CDH19: variants seen among roughly 807,000 people sequenced by gnomAD.
CDH19 encodes the protein cadherin-19.
Under a neutral mutation model 64.2 loss-of-function variants are expected in CDH19, and 67 were observed. The ratio of observed to expected loss-of-function variants is 1.04; its 90% CI spans 0.86 to 1.28. CDH19 has a LOEUF of 1.28. Among genes scored for constraint, CDH19 ranks in the 50% most tolerant of loss-of-function variants. CDH19 has a pLI of 0.00. For synonymous variants in CDH19, 346 were observed against 319.3 expected (o/e 1.08, Z -0.89); for missense variants, 1,030 against 929.0 (o/e 1.11, Z -1.41).
chr18:66,580,223 A>C (rs1230666262), intron 1 of CDH19, among the ~76,000 whole-genome samples: 1 of 152,204 alleles, frequency 6.6e-6, no homozygotes, highest in East Asian at 1.9e-4. Flanking sequence ...AAATTTGGAC[A>C]CTATTTTGGA....
At chr18:66,524,548 A>T (rs972927880) in intron 9 of CDH19, among the ~76,000 whole-genome samples, 1 of 129,668 alleles carries the variant, frequency 7.7e-6, no homozygotes, top group Admixed American at 7.6e-5. Flanking sequence ...GTGTGTATAT[A>T]TATATATATA....
At position 66,568,730 on chromosome 18, in the gene CDH19, T is replaced by A. The variant is rs768902644; in HGVS notation, c.196-20A>T. 2 of 1,557,738 alleles carry A rather than the reference T, an allele frequency of 1.3e-6. No homozygotes were observed. Among genetic ancestry groups the A allele is most frequent in the Non-Finnish European group, 1.7e-6 (2 of 1,155,538 alleles). ...TCTTAGCTGCAAATGGAAAGAGGGA[T>A]CATTTAGTTTCCAAACATCTGAAAT... is the stretch of plus-strand genomic sequence containing the variant. On this transcript the variant is annotated intron_variant, in intron 2 of 11. Coordinates refer to ENST00000262150, the MANE Select transcript of CDH19 (RefSeq NM_021153.4).
intron 1 of CDH19, among the ~76,000 whole-genome samples, chr18:66,595,487 A>G (rs1389645192): frequency 6.9e-6 from 1 of 144,216 alleles, no homozygotes; most frequent in Non-Finnish European, 1.5e-5. Context: ...GAAATGTCCA[A>G]GGGGACATTA....
At position 66,501,587 on chromosome 18, in the gene CDH19, G is replaced by C. The variant is rs1240066020; in HGVS notation, c.*3225C>G. The C allele has an allele frequency of 6.6e-6, 1 of 152,156 alleles. No individual in the cohort carries two copies. The highest frequency in any genetic ancestry group is 1.5e-5 in the Non-Finnish European group (1 of 68,042). 9.4% of individuals were successfully genotyped at this position (152,156 alleles called of 1,614,324 possible). On this transcript the variant is annotated 3_prime_UTR_variant, in exon 12 of 12. Transcript: ENST00000262150. ...GACTTTTATTTTCAATGTGCCGTGAGGCTGTTGAGATCACTCAGAATTGGA... is the reference window on the plus strand; with the variant it reads ...GACTTTTATTTTCAATGTGCCGTGACGCTGTTGAGATCACTCAGAATTGGA...
intron 3 of CDH19, among the ~76,000 whole-genome samples, chr18:66,557,685 A>C (rs1987567954): frequency 6.6e-6 from 1 of 151,986 alleles, no homozygotes; most frequent in Non-Finnish European, 1.5e-5. Context: ...GGTAAGGACT[A>C]TCAATGAGTA....
chr18:66,539,512 T>G (rs1986805492), intron 7 of CDH19, among the ~76,000 whole-genome samples: 1 of 152,142 alleles, frequency 6.6e-6, no homozygotes, highest in African/African-American at 2.4e-5. Context: ...ATGTTTTTTC[T>G]TTGTCTATTG....
intron 1 of CDH19, among the ~76,000 whole-genome samples, chr18:66,581,914 T>C (rs1185456517): frequency 6.6e-6 from 1 of 152,144 alleles, no homozygotes; most frequent in Non-Finnish European, 1.5e-5. Context: ...TTTTATTTAA[T>C]GTGTTAATTA....
At position 66,572,328 on chromosome 18, in the gene CDH19, GAAACAA is replaced by G; in HGVS notation, c.-112-18_-112-13del. Reference sequence around the variant, plus strand: ...TACCTTCTATATACCTAAAGCGTCAGAAACAAAACAAAATTTGACATTTTAAAATAA... The same window carrying G: ...TACCTTCTATATACCTAAAGCGTCAGAACAAAATTTGACATTTTAAAATAA... On this transcript the variant is annotated splice_polypyrimidine_tract_variant and intron_variant, in intron 1 of 11. Transcript: ENST00000262150. 3.5e-6 allele frequency: 2 copies of G among 565,674 alleles called. No individual in the cohort carries two copies. The highest frequency in any genetic ancestry group is 4.7e-5 in the South Asian group (1 of 21,268). 35.0% of individuals were successfully genotyped at this position (565,674 alleles called of 1,614,324 possible).
intron 8 of CDH19, 92 bp from the exon 9 acceptor site, chr18:66,530,058 G>A (rs1193097025): frequency 5.5e-6 from 3 of 545,730 alleles, no homozygotes; most frequent in Non-Finnish European, 8.6e-6. Flanking sequence ...GCTACGTGGT[G>A]TATTTTTATT....
intron 8 of CDH19, among the ~76,000 whole-genome samples, chr18:66,532,179 G>T (rs564393997): frequency 6.6e-6 from 1 of 151,878 alleles, no homozygotes; most frequent in African/African-American, 2.4e-5. Context: ...GTTGGCAACG[G>T]TGATCACAAA....
intron 3 of CDH19, among the ~76,000 whole-genome samples, chr18:66,559,248 A>G (rs1042876334): frequency 2.0e-4 from 31 of 152,084 alleles, no homozygotes; most frequent in Non-Finnish European, 3.2e-4. Flanking sequence ...AACAAAGTAC[A>G]TCTAAAAATC....
rs1240955074 is a variant in CDH19 at position 66,501,103 on chromosome 18, C to T, written c.*3709G>A. 6.6e-6 allele frequency: 1 copy of T among 152,028 alleles called. No homozygotes were observed. The highest frequency in any genetic ancestry group is 1.5e-5 in the Non-Finnish European group (1 of 68,014). 9.4% of individuals were successfully genotyped at this position (152,028 alleles called of 1,614,324 possible). ...ACCCATTTTGAAAAATACTTTAATT[C>T]CATATTAATATTCTATAAAAATAGT... On this transcript the variant is annotated 3_prime_UTR_variant, in exon 12 of 12. Transcript: ENST00000262150.
chr18:66,538,732 T>A (rs535285552), intron 7 of CDH19, among the ~76,000 whole-genome samples: 33 of 152,248 alleles, frequency 2.2e-4, no homozygotes, highest in African/African-American at 7.7e-4. Context: ...TCATGCTTCC[T>A]TTGAAGCCTG....
At position 66,548,967 on chromosome 18, in the gene CDH19, C is replaced by G. The variant is rs919575899; in HGVS notation, c.775+2127G>C. ...AAGGGAGAGGGATGTTTGAGAGATG[C>G]CTTTAATTGGGAGGGTAGGAAGTGT... On this transcript the variant is annotated intron_variant, in intron 5 of 11. Coordinates refer to ENST00000262150, the MANE Select transcript of CDH19 (RefSeq NM_021153.4). 3.3e-5 allele frequency among the ~76,000 whole-genome samples: 5 copies of G among 152,044 alleles called. No individual in the cohort carries two copies. The East Asian group carries it at 7.8e-4, about 24-fold the overall frequency.
rs371992906 is a variant in CDH19, at chr18:66,544,482, C to CAGTTTTTAAGATTT, written c.960+236_960+237insAAATCTTAAAAACT. Among the ~76,000 whole-genome samples the CAGTTTTTAAGATTT allele has an allele frequency of 1.8e-3, 281 of 151,958 alleles. 1 individual carries two copies. Among genetic ancestry groups the CAGTTTTTAAGATTT allele is most frequent in the African/African-American group, 6.2e-3 (256 of 41,438 alleles). On this transcript the variant is annotated intron_variant, in intron 6 of 11. Coordinates refer to ENST00000262150, the MANE Select transcript of CDH19 (RefSeq NM_021153.4). ...TCTAATGAAACTGAGAATTAATTTC[C>CAGTTTTTAAGATTT]TAGTATTTAAGATATTTTCCAAAAA...
intron 4 of CDH19, among the ~76,000 whole-genome samples, chr18:66,554,190 C>G (rs1325842754): frequency 6.6e-6 from 1 of 151,956 alleles, no homozygotes; most frequent in East Asian, 1.9e-4. Context: ...ATTTAAACCA[C>G]ATACATAAGT....
chr18:66,568,756 G>A, intron 2 of CDH19, 46 bp from the exon 3 acceptor site: 1 of 1,425,746 alleles, frequency 7.0e-7, no homozygotes, highest in Non-Finnish European at 9.4e-7. Flanking sequence ...CATCTGAAAT[G>A]GACAAATCAA....
chr18:66,602,060 AG>A (rs1989050332), intron 1 of CDH19, among the ~76,000 whole-genome samples: 1 of 151,940 alleles, frequency 6.6e-6, no homozygotes, highest in African/African-American at 2.4e-5. Flanking sequence ...TCGATGTTAA[AG>A]GAAATCGTCG....
chr18:66,576,652 T>C (rs940041977), intron 1 of CDH19, among the ~76,000 whole-genome samples: 1 of 151,748 alleles, frequency 6.6e-6, no homozygotes, highest in South Asian at 2.1e-4. Context: ...TAAAACCTTA[T>C]TGTATTACAA....
Sources: allele counts gnomAD v4.1 joint callset (sites outside exome capture counted in the v4.1 genomes callset), GRCh38; gene constraint gnomAD v4.1.1; transcripts MANE v1.5; gene names NCBI Gene and HGNC (gene_info 2026-07-23, HGNC 2026-07-21).